The following NFE2L3 variants were observed in gnomAD, a reference collection of about 807,000 sequenced individuals.
The protein encoded by NFE2L3 is NFE2 like bZIP transcription factor 3.
NFE2L3 carries 18 observed loss-of-function variants against 23.5 expected under a neutral mutation model. The ratio of observed to expected loss-of-function variants is 0.77; its 90% CI spans 0.53 to 1.13. The LOEUF (loss-of-function observed/expected upper bound fraction) is 1.13, where lower values mean the gene tolerates loss of function less well. Ranked by LOEUF, NFE2L3 falls within the 50% of genes most tolerant of loss-of-function variation. The probability of loss-of-function intolerance (pLI) is 0.00; values close to 1 mark genes in which losing one functional copy is unlikely to be tolerated. For missense variants in NFE2L3, 1,152 were observed against 877.2 expected (o/e 1.31, Z -3.96); for synonymous variants, 424 against 354.5 (o/e 1.20, Z -2.20).
chr7:26,172,170 CAAAT>C (rs1199201079), intron 1 of NFE2L3, among the ~76,000 whole-genome samples: 11 of 152,200 alleles, frequency 7.2e-5, no homozygotes, highest in African/African-American at 2.4e-4. Flanking sequence ...GGGCAAAACA[CAAAT>C]AAACAGAAAA....
intron 2 of NFE2L3, among the ~76,000 whole-genome samples, chr7:26,179,932 G>A (rs1003647364): frequency 6.6e-6 from 1 of 152,082 alleles, no homozygotes; most frequent in African/African-American, 2.4e-5. Flanking sequence ...CCCCACAGCT[G>A]GGAGTCTTCC....
chr7:26,170,108 G>C (rs1784313964), intron 1 of NFE2L3, among the ~76,000 whole-genome samples: 1 of 152,144 alleles, frequency 6.6e-6, no homozygotes, highest in African/African-American at 2.4e-5. Context: ...AAAGTGGATG[G>C]GTTTGGTGAT....
In NFE2L3 at chr7:26,185,490, C is replaced by T. The variant is rs752395884; in HGVS notation, c.1792C>T (p.Arg598Cys). ...AGTTGCTGCGCAGAACTGTCGTAAA[C>T]GCAAATTGGACATAATTTTGAATTT... ...NKVAAQNCRKRKLDIILNLED... is the reference protein window; with the variant it reads ...NKVAAQNCRKCKLDIILNLED... Residue 598 changes from arginine to cysteine, a missense_variant, in exon 4 of 4, where the codon CGC (arginine) becomes TGC (cysteine). By Grantham distance (180) the Arg-to-Cys change is radical. Coordinates refer to ENST00000056233, the MANE Select transcript of NFE2L3 (RefSeq NM_004289.7). 1.7e-5 allele frequency: 28 copies of T among 1,613,792 alleles called. No homozygotes were observed. The highest frequency in any genetic ancestry group is 5.0e-5 in the Admixed American group (3 of 60,000).
At chr7:26,182,768 A>G (rs1317798452) in intron 2 of NFE2L3, among the ~76,000 whole-genome samples, 2 of 152,046 alleles carry the variant, frequency 1.3e-5, no homozygotes, top group Non-Finnish European at 2.9e-5. Flanking sequence ...TTTTAAAAAA[A>G]CAAATTGGAG....
intron 1 of NFE2L3, among the ~76,000 whole-genome samples, chr7:26,171,089 A>G (rs537353394): frequency 6.6e-6 from 1 of 152,304 alleles, no homozygotes; most frequent in East Asian, 1.9e-4. Flanking sequence ...AACTTTTTTG[A>G]AGGGCTTTTC....
At chr7:26,164,392 T>C (rs968835986) in intron 1 of NFE2L3, among the ~76,000 whole-genome samples, 1 of 152,260 alleles carries the variant, frequency 6.6e-6, no homozygotes, top group Non-Finnish European at 1.5e-5. Flanking sequence ...TTGATCTGTA[T>C]TTCTCTGATG....
chr7:26,180,326 A>G (rs1049206544), intron 2 of NFE2L3, among the ~76,000 whole-genome samples: 4 of 152,112 alleles, frequency 2.6e-5, no homozygotes, highest in Non-Finnish European at 5.9e-5. Context: ...ACCCTTTTGT[A>G]ACCCTCAATT....
At position 26,186,536 on chromosome 7, in the gene NFE2L3, GGTA is replaced by G. The variant is rs1166137736; in HGVS notation, c.*756_*758del. 6.6e-6 allele frequency: 1 copy of G among 152,178 alleles called. No homozygotes were observed. The highest frequency in any genetic ancestry group is 1.5e-5 in the Non-Finnish European group (1 of 68,042). 9.4% of individuals were successfully genotyped at this position (152,178 alleles called of 1,614,324 possible). A position where few individuals can be genotyped will look rare whatever the true frequency, so the allele number is the denominator to read the frequency against. ...AATGCACTGAAGACCTACGGTCACT[GGTA>G]GTTTGAGCCACAGGCCTTCCTCATG... On this transcript the variant is annotated 3_prime_UTR_variant, in exon 4 of 4. Transcript: ENST00000056233.
chr7:26,165,929 T>G (rs1784244262), intron 1 of NFE2L3, among the ~76,000 whole-genome samples: 1 of 152,186 alleles, frequency 6.6e-6, no homozygotes, highest in Admixed American at 6.5e-5. Flanking sequence ...CTGTTCAAAT[T>G]TCCTGTTATC....
At chr7:26,168,525 CATATAATATAT>C (rs1784285381) in intron 1 of NFE2L3, among the ~76,000 whole-genome samples, 1 of 144,770 alleles carries the variant, frequency 6.9e-6, no homozygotes, top group African/African-American at 2.6e-5. Flanking sequence ...TGATTATATG[CATATAATATAT>C]ATATAATATA....
intron 2 of NFE2L3, among the ~76,000 whole-genome samples, chr7:26,181,867 G>C (rs970295559): frequency 4.6e-5 from 7 of 152,132 alleles, no homozygotes; most frequent in Non-Finnish European, 7.4e-5. Flanking sequence ...GAAGTGATGT[G>C]AACAGCTAAG....
In NFE2L3 at chr7:26,185,749, ACAAAAAGGAAACC is replaced by A; in HGVS notation, c.2057_2069del (p.Lys686ArgfsTer16). The A allele has an allele frequency of 6.3e-7, 1 of 1,585,624 alleles. No homozygotes were observed. Among genetic ancestry groups the A allele is most frequent in the East Asian group, 2.2e-5 (1 of 44,802 alleles). On this transcript the variant is annotated frameshift_variant, in exon 4 of 4. Coordinates refer to ENST00000056233, the MANE Select transcript of NFE2L3 (RefSeq NM_004289.7). LOFTEE classifies it high-confidence loss of function. Reference sequence around the variant, plus strand: ...CCCAAAGAACTGGTGGCCTCAGGCCACAAAAAGGAAACCCAAAAGGGAAAGAGAAAGTGAGAAG... The same window carrying A: ...CCCAAAGAACTGGTGGCCTCAGGCCACAAAAGGGAAAGAGAAAGTGAGAAG...
chr7:26,177,994 C>A lies in NFE2L3; in HGVS notation c.622C>A (p.His208Asn), dbSNP rs201695252. Residue 208 changes from histidine to asparagine, a missense_variant, in exon 2 of 4, where the codon CAT becomes AAT. His to Asn is a moderately conservative substitution (Grantham distance 68). Transcript: ENST00000056233. ...CGAAGCTGTGGATCATAGTTCCCAG[C>A]ATGAGGAAAATGAAGAAAGGGTGTC... ...KHEAVDHSSQ[H>N]EENEERVSAQ... 4.3e-6 allele frequency: 7 copies of A among 1,614,004 alleles called. No homozygotes were observed. The highest frequency in any genetic ancestry group is 5.9e-6 in the Non-Finnish European group (7 of 1,179,982).
In NFE2L3 at chr7:26,185,459, A is replaced by C; in HGVS notation, c.1761A>C (p.Lys587Asn). The change falls in exon 4 of 4, where the codon AAA becomes AAC. Residue 587 changes from lysine (K) to asparagine (N), a missense_variant. Coordinates refer to ENST00000056233, the MANE Select transcript of NFE2L3 (RefSeq NM_004289.7). Reference sequence around the variant, plus strand: ...TCCGTGACATCAGACGAAGAGGGAAAAATAAAGTTGCTGCGCAGAACTGTC... The same window carrying C: ...TCCGTGACATCAGACGAAGAGGGAACAATAAAGTTGCTGCGCAGAACTGTC... ...SLIRDIRRRG[K>N]NKVAAQNCRK... 6.2e-7 allele frequency: 1 copy of C among 1,614,116 alleles called. No individual in the cohort carries two copies. The highest frequency in any genetic ancestry group is 8.5e-7 in the Non-Finnish European group (1 of 1,179,932).
At position 26,158,476 on chromosome 7, in the gene NFE2L3, T is replaced by C. The variant is rs1477867479; in HGVS notation, c.570+5408T>C. On this transcript the variant is annotated intron_variant, in intron 1 of 3. Transcript: ENST00000056233. ...GTTCAGCTTGCTTATGATTAAAAGC[T>C]AACTGAGCTGTTTCTGAAAGCAGCT... Among the ~76,000 whole-genome samples, 4 of 152,300 alleles carry C rather than the reference T, an allele frequency of 2.6e-5. No homozygotes were observed. In the East Asian group the frequency reaches 7.7e-4, roughly 29 times the overall value.
rs749578659 is a variant in NFE2L3 at position 26,185,420 on chromosome 7, A to G, written c.1722A>G (p.Leu574=). The change falls in exon 4 of 4, where the codon CTA becomes CTG. Residue 574 remains leucine, a synonymous_variant. Coordinates refer to ENST00000056233, the MANE Select transcript of NFE2L3 (RefSeq NM_004289.7). ...TAAGTAGATATTATCTGACAGACCT[A>G]CAAGTCTCACTTATCCGTGACATCA... The part of the protein sequence containing the change: ...SMLSRYYLTD[L]QVSLIRDIRR... 8 of 1,614,154 alleles carry G rather than the reference A, an allele frequency of 5.0e-6. No homozygotes were observed. Among genetic ancestry groups the G allele is most frequent in the African/African-American group, 2.7e-5 (2 of 75,052 alleles).
chr7:26,156,562 A>G (rs1261707053), intron 1 of NFE2L3, among the ~76,000 whole-genome samples: 1 of 152,208 alleles, frequency 6.6e-6, no homozygotes, highest in Admixed American at 6.5e-5. Context: ...TCATAACCAC[A>G]GTCATTCACA....
chr7:26,185,165 T>C lies in NFE2L3; in HGVS notation c.1467T>C (p.Leu489=). 1 of 1,613,860 alleles carries C rather than the reference T, an allele frequency of 6.2e-7. No homozygotes were observed. Among genetic ancestry groups the C allele is most frequent in the South Asian group, 1.1e-5 (1 of 91,074 alleles). ...DQSDSDFHGD[L]TFQHVFHNHT... Reference sequence around the variant, plus strand: ...GTGATTCTGATTTCCATGGAGATCTTACATTTCAACACGTATTTCATAACC... The same window carrying C: ...GTGATTCTGATTTCCATGGAGATCTCACATTTCAACACGTATTTCATAACC... Residue 489 remains leucine (L), a synonymous_variant, in exon 4 of 4, where the codon CTT becomes CTC. Transcript: ENST00000056233.
At chr7:26,172,815 G>T (rs1335837255) in intron 1 of NFE2L3, among the ~76,000 whole-genome samples, 1 of 152,128 alleles carries the variant, frequency 6.6e-6, no homozygotes, top group African/African-American at 2.4e-5. Flanking sequence ...TTGACCATTT[G>T]ATTTAGATGG....
Sources: allele counts gnomAD v4.1 joint callset (sites outside exome capture counted in the v4.1 genomes callset), GRCh38; gene constraint gnomAD v4.1.1; transcripts MANE v1.5; gene names NCBI Gene and HGNC (gene_info 2026-07-23, HGNC 2026-07-21).